Variants in LRBA observed in about 807,000 individuals in gnomAD.
LRBA encodes the protein lipopolysaccharide-responsive and beige-like anchor protein.
In LRBA, 176 loss-of-function variants were observed where a neutral mutation model predicts 330.0. That is an observed-to-expected ratio of 0.53 (90% CI 0.47 to 0.60). The LOEUF is 0.60. Ranked by LOEUF, LRBA falls within the 20% of genes least tolerant of loss-of-function variation. LRBA has a pLI of 0.00. For missense variants in LRBA, 3,259 were observed against 3,444.8 expected (o/e 0.95, Z 1.35); for synonymous variants, 1,230 against 1,193.0 (o/e 1.03, Z -0.64).
At chr4:150,703,481 A>G (rs1785310479) in intron 36 of LRBA, among the ~76,000 whole-genome samples, 1 of 152,190 alleles carries the variant, frequency 6.6e-6, no homozygotes, top group Non-Finnish European at 1.5e-5. Flanking sequence ...CCAAGCCTAT[A>G]CCAGATGTTG....
intron 40 of LRBA, among the ~76,000 whole-genome samples, chr4:150,525,208 G>T (rs1453002977): frequency 6.6e-6 from 1 of 151,680 alleles, no homozygotes; most frequent in Non-Finnish European, 1.5e-5. Context: ...TGTATAGTCT[G>T]CATATTTAAA....
chr4:150,604,872 T>C (rs1774473050), intron 37 of LRBA, among the ~76,000 whole-genome samples: 2 of 152,104 alleles, frequency 1.3e-5, no homozygotes, highest in Non-Finnish European at 2.9e-5. Context: ...AAGTTAAATC[T>C]AAACTTGGGA....
intron 22 of LRBA, among the ~76,000 whole-genome samples, chr4:150,861,694 T>C (rs1446190725): frequency 6.6e-6 from 1 of 152,230 alleles, no homozygotes; most frequent in Non-Finnish European, 1.5e-5. Flanking sequence ...TACTTTTCTT[T>C]GTTCAATAAG....
intron 22 of LRBA, among the ~76,000 whole-genome samples, chr4:150,860,927 A>G (rs1751840676): frequency 6.6e-6 from 1 of 152,210 alleles, no homozygotes; most frequent in Admixed American, 6.5e-5. Context: ...TGTGAACACC[A>G]TAGAGTGTAC....
intron 31 of LRBA, among the ~76,000 whole-genome samples, chr4:150,815,652 A>G (rs2126760238): frequency 6.6e-6 from 1 of 152,064 alleles, no homozygotes; most frequent in Admixed American, 6.6e-5. Context: ...AATTCTAATC[A>G]CTATTTTTCC....
At chr4:150,559,840 AT>A (rs1423155510) in intron 40 of LRBA, among the ~76,000 whole-genome samples, 4 of 25,240 alleles carry the variant, frequency 1.6e-4, no homozygotes, top group African/African-American at 3.3e-4. Flanking sequence ...AAAATATAAT[AT>A]ATATAATAAT....
intron 37 of LRBA, among the ~76,000 whole-genome samples, chr4:150,603,536 C>A (rs1229237344): frequency 6.6e-6 from 1 of 152,090 alleles, no homozygotes; most frequent in African/African-American, 2.4e-5. Context: ...GGCTGGAATG[C>A]AGTGGCAACA....
intron 2 of LRBA, among the ~76,000 whole-genome samples, chr4:150,955,614 G>T (rs549970012): frequency 6.8e-6 from 1 of 147,436 alleles, no homozygotes; most frequent in Non-Finnish European, 1.5e-5. Flanking sequence ...GACGTAGGCC[G>T]GGCGCCGTGG....
At chr4:150,347,008 T>C (rs1279340219) in intron 48 of LRBA, among the ~76,000 whole-genome samples, 1 of 152,014 alleles carries the variant, frequency 6.6e-6, no homozygotes, top group African/African-American at 2.4e-5. Flanking sequence ...GTGGTATATA[T>C]ATATACACAA....
chr4:150,300,638 G>C (rs553490192), intron 53 of LRBA, among the ~76,000 whole-genome samples: 6 of 152,008 alleles, frequency 3.9e-5, no homozygotes, highest in African/African-American at 1.2e-4. Flanking sequence ...CCCAGGATTT[G>C]TTCAGTCCTA....
chr4:150,435,746 C>T, intron 45 of LRBA, 38 bp from the exon 46 acceptor site: 3 of 1,560,304 alleles, frequency 1.9e-6, no homozygotes, highest in Non-Finnish European at 2.6e-6. Flanking sequence ...TATGTTCCCT[C>T]AGGCATAAAA....
chr4:150,968,034 T>A (rs1310935019), intron 2 of LRBA, among the ~76,000 whole-genome samples: 1 of 145,326 alleles, frequency 6.9e-6, no homozygotes, highest in African/African-American at 2.6e-5. Flanking sequence ...AGACAGAGTC[T>A]CACTCTGTCG....
intron 34 of LRBA, among the ~76,000 whole-genome samples, chr4:150,788,416 A>C (rs1029313028): frequency 6.6e-6 from 1 of 151,930 alleles, no homozygotes; most frequent in South Asian, 2.1e-4. Flanking sequence ...ATCTTAATAT[A>C]CCCATTTCAC....
intron 37 of LRBA, among the ~76,000 whole-genome samples, chr4:150,657,509 A>G (rs1392717357): frequency 1.3e-5 from 2 of 152,036 alleles, no homozygotes; most frequent in Non-Finnish European, 2.9e-5. Context: ...CCATAGAAAC[A>G]TGGGTTAAAA....
At chr4:150,389,753 T>C (rs980038997) in intron 47 of LRBA, among the ~76,000 whole-genome samples, 21 of 151,414 alleles carry the variant, frequency 1.4e-4, no homozygotes, top group Non-Finnish European at 2.5e-4. Context: ...GTCTCACTCT[T>C]AGGCACCAGC....
At chr4:150,635,407 T>C (rs1046213109) in intron 37 of LRBA, among the ~76,000 whole-genome samples, 12 of 152,224 alleles carry the variant, frequency 7.9e-5, no homozygotes, top group African/African-American at 2.9e-4. Context: ...ATCCTATTTC[T>C]AACTTGTTCC....
At chr4:150,640,441 A>G (rs764526015) in intron 37 of LRBA, among the ~76,000 whole-genome samples, 4 of 152,156 alleles carry the variant, frequency 2.6e-5, no homozygotes, top group Non-Finnish European at 5.9e-5. Context: ...TACTACATAT[A>G]TTTTTAAATA....
At chr4:150,508,108 G>C (rs936452986) in intron 40 of LRBA, among the ~76,000 whole-genome samples, 8 of 149,800 alleles carry the variant, frequency 5.3e-5, no homozygotes, top group Non-Finnish European at 1.2e-4. Context: ...GATAGCATTA[G>C]GAGATATACC....
intron 42 of LRBA, among the ~76,000 whole-genome samples, chr4:150,478,537 T>A (rs1447416053): frequency 6.6e-6 from 1 of 152,164 alleles, no homozygotes; most frequent in African/African-American, 2.4e-5. Context: ...AACAAGAATG[T>A]CTCTCTTCAG....
Sources: allele counts gnomAD v4.1 joint callset (sites outside exome capture counted in the v4.1 genomes callset), GRCh38; gene constraint gnomAD v4.1.1; transcripts MANE v1.5; gene names NCBI Gene and HGNC (gene_info 2026-07-23, HGNC 2026-07-21).